Variants in MYO3A observed in about 807,000 individuals in gnomAD.
MYO3A encodes the protein myosin IIIA, also known as myosin-IIIa.
A neutral mutation model predicts 192.7 loss-of-function variants in MYO3A; 180 were observed. The observed-to-expected ratio is 0.93, with a 90% CI of 0.83 to 1.06. MYO3A has a LOEUF of 1.06. MYO3A is among the 50% of genes least tolerant of loss of function. MYO3A has a pLI of 0.00. For synonymous variants in MYO3A, 628 were observed against 645.3 expected, an observed-to-expected ratio of 0.97 and a Z score of 0.41; for missense variants, 1,896 against 1,905.0, an observed-to-expected ratio of 1.00 and a Z score of 0.09.
intron 6 of MYO3A, among the ~76,000 whole-genome samples, chr10:25,998,752 A>G (rs1375346270): frequency 6.6e-6 from 1 of 152,246 alleles, no homozygotes; most frequent in Non-Finnish European, 1.5e-5. Flanking sequence ...ACAAGTATCA[A>G]TAAACAACTT....
intron 4 of MYO3A, among the ~76,000 whole-genome samples, chr10:25,992,139 C>T (rs558529132): frequency 0.057 from 7,936 of 140,002 alleles, 729 homozygotes; most frequent in African/African-American, 0.19. Flanking sequence ...ATTCTTCCTA[C>T]CCATGAGCAT....
chr10:26,138,165 G>T (rs891899173), intron 20 of MYO3A, among the ~76,000 whole-genome samples: 4 of 152,126 alleles, frequency 2.6e-5, no homozygotes, highest in South Asian at 2.1e-4. Context: ...AATAAAACTT[G>T]CTGGCTTTAA....
intron 4 of MYO3A, among the ~76,000 whole-genome samples, chr10:25,965,365 A>T (rs1419136880): frequency 6.6e-6 from 1 of 152,050 alleles, no homozygotes; most frequent in East Asian, 1.9e-4. Context: ...GGGCCTCATG[A>T]TTCTGATTGG....
chr10:26,044,417 C>G (rs914145780), intron 10 of MYO3A, among the ~76,000 whole-genome samples: 3 of 152,170 alleles, frequency 2.0e-5, no homozygotes, highest in African/African-American at 7.2e-5. Flanking sequence ...AGCACTGTAG[C>G]CCATGCTGGC....
chr10:25,978,693 AT>A (rs2130781021), intron 4 of MYO3A, among the ~76,000 whole-genome samples: 1 of 152,314 alleles, frequency 6.6e-6, no homozygotes, highest in African/African-American at 2.4e-5. Flanking sequence ...AGAATATAGA[AT>A]TATAGATCCT....
chr10:25,960,176 CT>C (rs1837835792), intron 4 of MYO3A, among the ~76,000 whole-genome samples: 1 of 151,778 alleles, frequency 6.6e-6, no homozygotes, highest in African/African-American at 2.4e-5. Context: ...TTGTTTATTC[CT>C]TTACTAGTGT....
At chr10:25,986,682 A>G (rs899776786) in intron 4 of MYO3A, among the ~76,000 whole-genome samples, 2 of 152,220 alleles carry the variant, frequency 1.3e-5, no homozygotes, top group Admixed American at 1.3e-4. Context: ...TACAAGGAAA[A>G]CTACAAAACC....
chr10:26,077,233 G>GTTT lies in MYO3A; in HGVS notation c.1359+6852_1359+6854dup, dbSNP rs34464120. Among the ~76,000 whole-genome samples the GTTT allele has an allele frequency of 7.1e-3, 256 of 36,262 alleles. 22 individuals are homozygous for GTTT. The highest frequency in any genetic ancestry group is 0.022 in the African/African-American group (223 of 10,248). 23.8% of individuals were successfully genotyped at this position (36,262 alleles called of 152,430 possible). ...CTCCTTGGTTAGGTATATTCCTAAG[G>GTTT]TTTTTTTTTTTTTTTTTTTTTTGCA... On this transcript the variant is annotated intron_variant, in intron 14 of 34. Coordinates refer to ENST00000642920, the MANE Select transcript of MYO3A (RefSeq NM_017433.5).
chr10:26,120,989 T>G (rs552514642), intron 18 of MYO3A, among the ~76,000 whole-genome samples, 187 bp downstream of exon 18: 23 of 152,272 alleles, frequency 1.5e-4, no homozygotes, highest in African/African-American at 5.5e-4. Context: ...GCTTACAAAT[T>G]AACTGATTAC....
chr10:26,004,107 G>A (rs1391412884), intron 6 of MYO3A, among the ~76,000 whole-genome samples: 1 of 152,188 alleles, frequency 6.6e-6, no homozygotes, highest in Non-Finnish European at 1.5e-5. Flanking sequence ...CAGCTCAGTA[G>A]GCAGTTTGGA....
intron 17 of MYO3A, among the ~76,000 whole-genome samples, chr10:26,112,304 G>A (rs993916121): frequency 1.3e-5 from 2 of 152,168 alleles, no homozygotes; most frequent in African/African-American, 2.4e-5. Context: ...CCAGTTCAAG[G>A]TGATTCTCCG....
chr10:25,971,341 TA>T (rs1838627572), intron 4 of MYO3A, among the ~76,000 whole-genome samples: 1 of 152,230 alleles, frequency 6.6e-6, no homozygotes, highest in African/African-American at 2.4e-5. Context: ...CCTAATGTTT[TA>T]TACAATTGCT....
At chr10:25,994,298 G>T (rs528938890) in intron 4 of MYO3A, among the ~76,000 whole-genome samples, 4 of 152,202 alleles carry the variant, frequency 2.6e-5, no homozygotes, top group African/African-American at 9.6e-5. Flanking sequence ...GATCTTTGTT[G>T]GTTTAAAGTC....
intron 4 of MYO3A, among the ~76,000 whole-genome samples, chr10:25,976,634 A>T (rs754435342): frequency 3.3e-5 from 5 of 152,158 alleles, no homozygotes; most frequent in Admixed American, 2.0e-4. Context: ...GTTTGACTAC[A>T]GCTAGGGTAG....
chr10:26,038,207 AT>A (rs111292647), intron 10 of MYO3A, among the ~76,000 whole-genome samples: 25,312 of 152,098 alleles, frequency 0.17, 2,381 homozygotes, highest in Non-Finnish European at 0.21. Context: ...TTCCATATAA[AT>A]TTTAGCAGTG....
chr10:26,050,056 A>G (rs571697924), intron 10 of MYO3A, among the ~76,000 whole-genome samples: 1 of 152,186 alleles, frequency 6.6e-6, no homozygotes, highest in East Asian at 1.9e-4. Context: ...AGAGGACTGT[A>G]AAAGAAATGT....
intron 10 of MYO3A, among the ~76,000 whole-genome samples, chr10:26,054,118 C>T (rs1268406144): frequency 6.6e-6 from 1 of 150,548 alleles, no homozygotes; most frequent in Non-Finnish European, 1.5e-5. Context: ...GGTGTGGGAT[C>T]AGATTATAAG....
At chr10:26,184,506 G>A (rs967748342) in intron 31 of MYO3A, among the ~76,000 whole-genome samples, 2 of 152,158 alleles carry the variant, frequency 1.3e-5, no homozygotes, top group African/African-American at 2.4e-5. Flanking sequence ...GTATACTTAA[G>A]TAAAACAGTG....
At position 26,083,968 on chromosome 10, in the gene MYO3A, A is replaced by G. The variant is rs184505494; in HGVS notation, c.1360-4235A>G. On this transcript the variant is annotated intron_variant, in intron 14 of 34. Transcript: ENST00000642920. ...TCTTCCTGCAGAATACTGCTACTTA[A>G]TGGAAATCACAGCAAGACCAGCAAT... Among the ~76,000 whole-genome samples, 5 of 152,322 alleles carry G rather than the reference A, an allele frequency of 3.3e-5. No individual in the cohort carries two copies. The East Asian group carries it at 9.7e-4, about 29-fold the overall frequency.
Sources: gnomAD v4.1 joint callset for allele counts (sites outside exome capture counted in the v4.1 genomes callset) on GRCh38, gnomAD v4.1.1 for gene constraint, MANE v1.5 for transcripts, NCBI Gene and HGNC (gene_info 2026-07-23, HGNC 2026-07-21) for gene names.